The following GRID2 variants were observed in gnomAD, a reference collection of about 807,000 sequenced individuals.
GRID2 encodes glutamate receptor ionotropic, delta-2.
GRID2 carries 33 observed loss-of-function variants against 114.8 expected under a neutral mutation model. The observed-to-expected ratio is 0.29, with a 90% confidence interval of 0.22 to 0.38. The LOEUF (loss-of-function observed/expected upper bound fraction) is 0.38, where lower values mean the gene tolerates loss of function less well. Among genes scored for constraint, GRID2 ranks in the 10% least tolerant of loss-of-function variants. The probability of loss-of-function intolerance (pLI) is 1.00; values close to 1 mark genes in which losing one functional copy is unlikely to be tolerated. For missense variants in GRID2, 1,184 were observed against 1,257.7 expected, an observed-to-expected ratio of 0.94 and a Z score of 0.89; for synonymous variants, 505 against 449.9, an observed-to-expected ratio of 1.12 and a Z score of -1.55.
At chr4:93,764,300 C>A (rs1176696807) in intron 14 of GRID2, among the ~76,000 whole-genome samples, 1 of 151,996 alleles carries the variant, frequency 6.6e-6, no homozygotes, top group Non-Finnish European at 1.5e-5. Flanking sequence ...TTATGGACTT[C>A]TAAAATTTTT....
intron 14 of GRID2, among the ~76,000 whole-genome samples, chr4:93,721,334 C>A (rs1729358724): frequency 6.6e-6 from 1 of 152,150 alleles, no homozygotes; most frequent in Non-Finnish European, 1.5e-5. Context: ...AAATTGAAGA[C>A]ATTCTTAGCA....
At chr4:93,391,952 A>G (rs1028320398) in intron 8 of GRID2, among the ~76,000 whole-genome samples, 2 of 152,302 alleles carry the variant, frequency 1.3e-5, no homozygotes, top group African/African-American at 4.8e-5. Flanking sequence ...AAAATGACAG[A>G]AAATACTATA....
intron 1 of GRID2, among the ~76,000 whole-genome samples, chr4:92,438,337 C>T (rs1444630548): frequency 6.6e-6 from 1 of 151,966 alleles, no homozygotes; most frequent in Admixed American, 6.6e-5. Flanking sequence ...AATAGGCTGC[C>T]AGGAATCTCG....
intron 1 of GRID2, among the ~76,000 whole-genome samples, chr4:92,405,263 T>A (rs1730971244): frequency 6.6e-6 from 1 of 152,198 alleles, no homozygotes; most frequent in Non-Finnish European, 1.5e-5. Flanking sequence ...GAATTAAACA[T>A]GTTAATGCAT....
At chr4:93,767,847 T>C (rs1038243807) in intron 14 of GRID2, among the ~76,000 whole-genome samples, 1 of 152,188 alleles carries the variant, frequency 6.6e-6, no homozygotes, top group Non-Finnish European at 1.5e-5. Context: ...AGTACAAATA[T>C]AGGTTCACAT....
intron 2 of GRID2, among the ~76,000 whole-genome samples, chr4:92,742,011 C>G (rs1736915208): frequency 1.3e-5 from 2 of 152,124 alleles, no homozygotes; most frequent in Non-Finnish European, 1.5e-5. Flanking sequence ...TAGGGTGTTT[C>G]ATAATTTTTA....
intron 1 of GRID2, among the ~76,000 whole-genome samples, chr4:93,789,782 G>A (rs1383346310): frequency 1.3e-5 from 2 of 152,118 alleles, no homozygotes; most frequent in African/African-American, 4.8e-5. Context: ...AATTGATAGA[G>A]TATAAATTTA....
intron 14 of GRID2, among the ~76,000 whole-genome samples, chr4:93,712,871 T>TA (rs940177198): frequency 6.6e-6 from 1 of 152,162 alleles, no homozygotes; most frequent in African/African-American, 2.4e-5. Context: ...GGCTTCCACT[T>TA]ACACAGCTGG....
intron 4 of GRID2, among the ~76,000 whole-genome samples, chr4:93,157,056 A>G (rs926640273): frequency 6.6e-6 from 1 of 151,626 alleles, no homozygotes; most frequent in East Asian, 1.9e-4. Context: ...CCTGCACTCT[A>G]TTTTTCTTTT....
At chr4:93,594,751 C>T (rs569671451) in intron 13 of GRID2, among the ~76,000 whole-genome samples, 18 of 152,006 alleles carry the variant, frequency 1.2e-4, no homozygotes, top group South Asian at 8.4e-4. Context: ...GATATAATCT[C>T]GTGGTGCGCC....
chr4:92,549,094 T>C (rs1299493824), intron 1 of GRID2, among the ~76,000 whole-genome samples: 1 of 135,994 alleles, frequency 7.4e-6, no homozygotes, highest in East Asian at 2.1e-4. Context: ...TAGATGATGA[T>C]AGGAGCTAAA....
In GRID2 at chr4:93,370,641, C is replaced by CT. The variant is rs1331512194; in HGVS notation, c.1246-24965dup. Among the ~76,000 whole-genome samples the CT allele has an allele frequency of 5.3e-4, 80 of 151,660 alleles. 1 individual carries two copies. The South Asian group carries it at 7.3e-3, about 14-fold the overall frequency. On this transcript the variant is annotated intron_variant, in intron 8 of 15. Transcript: ENST00000282020. ...CCTCTTTTTTCTGCTTTAAGGTTTT[C>CT]TCTTTTTTTGCACAGCTATTAAAAC...
At chr4:92,936,781 T>C (rs1249677075) in intron 2 of GRID2, among the ~76,000 whole-genome samples, 7 of 146,588 alleles carry the variant, frequency 4.8e-5, no homozygotes, top group African/African-American at 1.7e-4. Flanking sequence ...GGATATAATA[T>C]TTTTAATTAC....
rs869285420 is a variant in GRID2 at position 92,965,450 on chromosome 4, T to TAAAAAAAAAAAAAAAAAAAA, written c.245-119525_245-119506dup. Among the ~76,000 whole-genome samples the TAAAAAAAAAAAAAAAAAAAA allele has an allele frequency of 2.4e-4, 21 of 85,758 alleles. 1 individual carries two copies. Among genetic ancestry groups the TAAAAAAAAAAAAAAAAAAAA allele is most frequent in the South Asian group, 8.0e-4 (2 of 2,490 alleles). The allele number at this position is 85,758 out of a possible 152,430, so 56.3% of individuals were successfully genotyped here. ...AGGGTTGCCATAAACATTCAATTTG[T>TAAAAAAAAAAAAAAAAAAAA]AAAAAAAAAAAAAAAAAAAAAAAAA... is the stretch of plus-strand genomic sequence containing the variant. On this transcript the variant is annotated intron_variant, in intron 2 of 15. Coordinates refer to ENST00000282020, the MANE Select transcript of GRID2 (RefSeq NM_001510.4).
intron 1 of GRID2, among the ~76,000 whole-genome samples, chr4:92,313,081 ATGTGTGTGTGTGTGTGTGTG>A (rs144557382): frequency 6.9e-6 from 1 of 145,114 alleles, no homozygotes; most frequent in Non-Finnish European, 1.5e-5. Flanking sequence ...AAACTCTGAT[ATGTGTGTGTGTGTGTGTGTG>A]TGTGTGTGTG....
At chr4:93,389,419 A>G (rs1188848542) in intron 8 of GRID2, among the ~76,000 whole-genome samples, 2 of 152,196 alleles carry the variant, frequency 1.3e-5, no homozygotes, top group Non-Finnish European at 2.9e-5. Context: ...ACAACATCAT[A>G]TTAGGACACG....
intron 2 of GRID2, among the ~76,000 whole-genome samples, chr4:92,969,116 T>A (rs1363142204): frequency 1.3e-5 from 2 of 151,690 alleles, no homozygotes; most frequent in Non-Finnish European, 3.0e-5. Context: ...ATATACTATG[T>A]GTAGTTTTGA....
At chr4:92,618,204 T>C (rs1579695574) in intron 2 of GRID2, among the ~76,000 whole-genome samples, 1 of 151,900 alleles carries the variant, frequency 6.6e-6, no homozygotes, top group East Asian at 1.9e-4. Context: ...AGGTGGAGGA[T>C]CTAGTTTTAT....
At chr4:93,488,834 T>C (rs1238375150) in intron 11 of GRID2, among the ~76,000 whole-genome samples, 2 of 151,936 alleles carry the variant, frequency 1.3e-5, no homozygotes, top group African/African-American at 2.4e-5. Context: ...TGCATGTGCA[T>C]CCCTGGTGTC....
Sources: allele counts gnomAD v4.1 joint callset (sites outside exome capture counted in the v4.1 genomes callset), GRCh38; gene constraint gnomAD v4.1.1; transcripts MANE v1.5; gene names NCBI Gene and HGNC (gene_info 2026-07-23, HGNC 2026-07-21).